LPP: variants seen among roughly 807,000 people sequenced by gnomAD.
LPP encodes LIM domain containing preferred translocation partner in lipoma.
A neutral mutation model predicts 60.4 loss-of-function variants in LPP; 38 were observed. The ratio of observed to expected loss-of-function variants is 0.63; its 90% CI spans 0.49 to 0.83. The LOEUF is 0.83. Ranked by LOEUF, LPP falls within the 40% of genes least tolerant of loss-of-function variation. The probability of loss-of-function intolerance (pLI) is 0.00; values close to 1 mark genes in which losing one functional copy is unlikely to be tolerated. For synonymous variants in LPP, 328 were observed against 290.8 expected (o/e 1.13, Z -1.30); for missense variants, 902 against 783.6 (o/e 1.15, Z -1.80).
chr3:188,486,761 T>A (rs1314787895), intron 5 of LPP, among the ~76,000 whole-genome samples: 3 of 152,222 alleles, frequency 2.0e-5, no homozygotes, highest in Non-Finnish European at 4.4e-5. Flanking sequence ...GCATTTTATT[T>A]TGGTGTATAC....
intron 6 of LPP, among the ~76,000 whole-genome samples, chr3:188,538,346 A>G (rs1824206620): frequency 6.6e-6 from 1 of 152,224 alleles, no homozygotes; most frequent in African/African-American, 2.4e-5. Context: ...CTTACAACTC[A>G]TTAAGAAAAA....
rs1482643033 is a variant in LPP at position 188,352,047 on chromosome 3, T to TC, written c.-10+10334dup. Among the ~76,000 whole-genome samples, 2 of 152,078 alleles carry TC rather than the reference T, an allele frequency of 1.3e-5. No homozygotes were observed. Among genetic ancestry groups the TC allele is most frequent in the Non-Finnish European group, 2.9e-5 (2 of 67,998 alleles). On this transcript the variant is annotated intron_variant, in intron 3 of 11. Transcript: ENST00000617246. The surrounding 1 kb of genome is among the most constrained non-coding windows in gnomAD (Gnocchi z 4.4). Reference sequence around the variant, plus strand: ...CTCGACCTCAACGTGTATTATTTCCTCCCCCCTTGTCATTTTTCTTCTATT... The same window carrying TC: ...CTCGACCTCAACGTGTATTATTTCCTCCCCCCCTTGTCATTTTTCTTCTATT...
chr3:188,538,080 C>A (rs1824128393), intron 6 of LPP, among the ~76,000 whole-genome samples: 1 of 152,002 alleles, frequency 6.6e-6, no homozygotes, highest in African/African-American at 2.4e-5. Context: ...GTGTAAGACA[C>A]AAATGTAAAG....
intron 4 of LPP, chr3:188,472,694 T>C (rs1244830634): frequency 6.6e-6 from 1 of 152,094 alleles, no homozygotes; most frequent in Non-Finnish European, 1.5e-5. Flanking sequence ...AGCCCCAACA[T>C]TGGGGAAAAG....
At chr3:188,350,148 A>G (rs1765457098) in intron 3 of LPP, among the ~76,000 whole-genome samples, 1 of 152,188 alleles carries the variant, frequency 6.6e-6, no homozygotes, top group Non-Finnish European at 1.5e-5. Flanking sequence ...TGACTTAGTA[A>G]TCATTTACTC....
intron 6 of LPP, among the ~76,000 whole-genome samples, chr3:188,557,040 C>T (rs1332323671): frequency 2.0e-5 from 3 of 151,874 alleles, no homozygotes; most frequent in African/African-American, 7.3e-5. Flanking sequence ...GATAGTTGAC[C>T]TTTGGGATTG....
intron 8 of LPP, chr3:188,759,379 G>GAAACTAT (rs1731396481): frequency 1.3e-5 from 2 of 152,334 alleles, no homozygotes; most frequent in African/African-American, 4.8e-5. Flanking sequence ...ACTATTGCAG[G>GAAACTAT]ATGTGTGGAT....
rs181207019 is a variant in LPP, at chr3:188,837,922, A to G, written c.1411-28278A>G. 6.6e-5 allele frequency among the ~76,000 whole-genome samples: 10 copies of G among 152,034 alleles called. No homozygotes were observed. The East Asian group carries it at 1.4e-3, about 21-fold the overall frequency. On this transcript the variant is annotated intron_variant, in intron 9 of 11. Transcript: ENST00000617246. ...TCTTTCTAACTTTAGGTAATTCAGGAGCCCTAGAAACCTCATCTCTCTATC... is the reference window on the plus strand; with the variant it reads ...TCTTTCTAACTTTAGGTAATTCAGGGGCCCTAGAAACCTCATCTCTCTATC...
At chr3:188,679,551 G>GTT (rs1858964935) in intron 7 of LPP, among the ~76,000 whole-genome samples, 1 of 150,820 alleles carries the variant, frequency 6.6e-6, no homozygotes, top group Non-Finnish European at 1.5e-5. Flanking sequence ...GTGTGTGTGT[G>GTT]TGTGTGTGTG....
At chr3:188,508,985 G>C (rs1439384342) in intron 5 of LPP, among the ~76,000 whole-genome samples, 1 of 152,088 alleles carries the variant, frequency 6.6e-6, no homozygotes, top group Non-Finnish European at 1.5e-5. Flanking sequence ...GTTTAGATTT[G>C]GTAAATCTAG....
intron 8 of LPP, among the ~76,000 whole-genome samples, chr3:188,753,813 A>G (rs554013347): frequency 1.3e-5 from 2 of 151,916 alleles, no homozygotes; most frequent in South Asian, 2.1e-4. Flanking sequence ...AGAGGGAAAA[A>G]CAAGAGAGAG....
At chr3:188,291,878 A>T (rs1746111539) in intron 2 of LPP, among the ~76,000 whole-genome samples, 1 of 152,166 alleles carries the variant, frequency 6.6e-6, no homozygotes, top group Non-Finnish European at 1.5e-5. Flanking sequence ...AACCCAGAAC[A>T]TTTGACTCTA....
intron 3 of LPP, among the ~76,000 whole-genome samples, chr3:188,344,442 C>A (rs954834744): frequency 2.0e-5 from 3 of 152,148 alleles, no homozygotes; most frequent in South Asian, 4.1e-4. Flanking sequence ...CTTTTCTAAT[C>A]CCAGCTGTAA....
intron 6 of LPP, among the ~76,000 whole-genome samples, chr3:188,535,471 C>G (rs1823316605): frequency 6.6e-6 from 1 of 152,104 alleles, no homozygotes; most frequent in South Asian, 2.1e-4. Context: ...GTCTTCAAAT[C>G]TTTACATTTC....
intron 7 of LPP, among the ~76,000 whole-genome samples, chr3:188,669,814 T>G (rs897586677): frequency 2.0e-5 from 3 of 152,210 alleles, no homozygotes; most frequent in African/African-American, 7.2e-5. Context: ...GTATGTTTAC[T>G]GCAGCACTCT....
intron 4 of LPP, among the ~76,000 whole-genome samples, chr3:188,423,629 A>G (rs1788478252): frequency 6.6e-6 from 1 of 152,104 alleles, no homozygotes; most frequent in African/African-American, 2.4e-5. Flanking sequence ...CTTTTTAATG[A>G]TCACCATTCT....
intron 1 of LPP, among the ~76,000 whole-genome samples, chr3:188,192,316 C>T (rs1211337737): frequency 6.6e-6 from 1 of 152,126 alleles, no homozygotes; most frequent in East Asian, 1.9e-4. Context: ...GTGTGTGAAA[C>T]AGCACAGGAC....
At chr3:188,613,194 T>A (rs1040551508) in intron 7 of LPP, among the ~76,000 whole-genome samples, 3 of 151,114 alleles carry the variant, frequency 2.0e-5, no homozygotes, top group African/African-American at 7.3e-5. Context: ...AAAGCTAATG[T>A]CAGCTACATC....
intron 2 of LPP, among the ~76,000 whole-genome samples, chr3:188,259,019 C>A (rs757390368): frequency 2.6e-5 from 4 of 152,114 alleles, no homozygotes; most frequent in Non-Finnish European, 5.9e-5. Context: ...CTTTTGCTGT[C>A]TTCCCTTGTA....
Sources: allele counts gnomAD v4.1 joint callset (sites outside exome capture counted in the v4.1 genomes callset), GRCh38; gene constraint gnomAD v4.1.1; non-coding constraint Gnocchi (gnomAD v3.1); transcripts MANE v1.5; gene names NCBI Gene and HGNC (gene_info 2026-07-23, HGNC 2026-07-21).